LIMS1: variants seen among roughly 807,000 people sequenced by gnomAD.
The protein encoded by LIMS1 is LIM zinc finger domain containing 1, also known as LIM and senescent cell antigen-like-containing domain protein 1.
A neutral mutation model predicts 44.1 loss-of-function variants in LIMS1; 18 were observed. That is an observed-to-expected ratio of 0.41 (90% CI 0.28 to 0.61). LIMS1 has a LOEUF of 0.61. LIMS1 is among the 20% of genes least tolerant of loss of function. The pLI is 0.32. For synonymous variants in LIMS1, 93 were observed against 149.1 expected, an observed-to-expected ratio of 0.62 and a Z score of 2.74; for missense variants, 201 against 422.0, an observed-to-expected ratio of 0.48 and a Z score of 4.59.
At chr2:108,586,551 T>G (rs1048608552) in intron 1 of LIMS1, among the ~76,000 whole-genome samples, 1 of 152,180 alleles carries the variant, frequency 6.6e-6, no homozygotes, top group African/African-American at 2.4e-5. Flanking sequence ...GAGAAGACCT[T>G]CAAGCATGGT....
intron 9 of LIMS1, chr2:108,681,181 T>C (rs1486781322): frequency 3.2e-6 from 4 of 1,257,542 alleles, no homozygotes; most frequent in Non-Finnish European, 4.0e-6. Flanking sequence ...TGGAATATGT[T>C]TTTGTTCTGT....
chr2:108,583,190 G>C (rs1346574370), intron 1 of LIMS1, among the ~76,000 whole-genome samples: 2 of 145,128 alleles, frequency 1.4e-5, no homozygotes, highest in Non-Finnish European at 3.0e-5. Context: ...GCACCACCAC[G>C]CCTGGCTAAT....
intron 2 of LIMS1, among the ~76,000 whole-genome samples, chr2:108,667,404 A>T (rs1185897263): frequency 6.6e-6 from 1 of 152,048 alleles, no homozygotes; most frequent in Non-Finnish European, 1.5e-5. Context: ...TTTCAGCCAG[A>T]TTTTGAACGC....
At chr2:108,646,669 A>C (rs1227713357) in intron 1 of LIMS1, among the ~76,000 whole-genome samples, 1 of 152,222 alleles carries the variant, frequency 6.6e-6, no homozygotes, top group Non-Finnish European at 1.5e-5. Flanking sequence ...AAACCCTTTA[A>C]AAAATAAATG....
At chr2:108,546,279 T>TA (rs1684479132) in intron 1 of LIMS1, among the ~76,000 whole-genome samples, 2 of 146,276 alleles carry the variant, frequency 1.4e-5, no homozygotes, top group South Asian at 4.5e-4. Context: ...CTTTTTTTTT[T>TA]TTTTTTTTTT....
intron 1 of LIMS1, among the ~76,000 whole-genome samples, chr2:108,567,620 G>T (rs1444003370): frequency 6.6e-6 from 1 of 152,146 alleles, no homozygotes; most frequent in South Asian, 2.1e-4. Context: ...CATCCAGGCT[G>T]GAGTGCAATG....
intron 1 of LIMS1, among the ~76,000 whole-genome samples, chr2:108,538,843 ACT>A (rs1167160934): frequency 2.0e-5 from 3 of 151,808 alleles, no homozygotes; most frequent in African/African-American, 7.3e-5. Flanking sequence ...CCAAACTGAA[ACT>A]CTGTGACCAG....
chr2:108,585,538 A>G (rs963187565), intron 1 of LIMS1, among the ~76,000 whole-genome samples: 1 of 152,180 alleles, frequency 6.6e-6, no homozygotes, highest in African/African-American at 2.4e-5. Context: ...AAGAAGGTCC[A>G]GCCAGTGCCA....
chr2:108,640,809 C>T (rs2148917742), intron 1 of LIMS1, among the ~76,000 whole-genome samples: 1 of 152,322 alleles, frequency 6.6e-6, no homozygotes, highest in Non-Finnish European at 1.5e-5. Context: ...CAATCCTCTT[C>T]TAGCTTTTTG....
At chr2:108,629,037 C>T (rs927975331) in intron 1 of LIMS1, among the ~76,000 whole-genome samples, 1 of 152,182 alleles carries the variant, frequency 6.6e-6, no homozygotes, top group African/African-American at 2.4e-5. Context: ...TCAACAGAAA[C>T]GTATTGCCAT....
intron 2 of LIMS1, among the ~76,000 whole-genome samples, chr2:108,661,781 A>G (rs932966179): frequency 6.6e-6 from 1 of 152,160 alleles, no homozygotes; most frequent in African/African-American, 2.4e-5. Flanking sequence ...ATGGCAAGGA[A>G]GGAGGTGAGA....
rs1445568186 is a variant in LIMS1, at chr2:108,658,222, A to G, written c.33-1383A>G. ...GCCAAAAATTGAAGGACCGCTTGGC[A>G]TGGGGGACCTTCTCCATTTCTAGGA... On this transcript the variant is annotated intron_variant, in intron 1 of 9. Coordinates refer to ENST00000544547, the Ensembl canonical transcript of LIMS1. Among the ~76,000 whole-genome samples, 5 of 81,410 alleles carry G rather than the reference A, an allele frequency of 6.1e-5. No individual in the cohort carries two copies. In the Admixed American group the frequency reaches 7.2e-4, roughly 12 times the overall value. 53.4% of individuals were successfully genotyped at this position (81,410 alleles called of 152,430 possible).
intron 1 of LIMS1, chr2:108,621,278 A>G (rs1219372680): frequency 1.3e-6 from 2 of 1,535,400 alleles, no homozygotes; most frequent in East Asian, 4.9e-5. Flanking sequence ...TCGGCAAGGG[A>G]CGCTGCTTTC....
intron 1 of LIMS1, among the ~76,000 whole-genome samples, chr2:108,605,229 C>T (rs1413255518): frequency 6.6e-6 from 1 of 152,152 alleles, no homozygotes; most frequent in African/African-American, 2.4e-5. Context: ...GCAGCACAGC[C>T]CAGTACCCAG....
intron 1 of LIMS1, among the ~76,000 whole-genome samples, chr2:108,567,332 C>T (rs948733593): frequency 6.6e-6 from 1 of 152,108 alleles, no homozygotes; most frequent in African/African-American, 2.4e-5. Flanking sequence ...GGGATGGAGT[C>T]TCGTCCAGGG....
chr2:108,650,946 T>C (rs1690441209), intron 1 of LIMS1, among the ~76,000 whole-genome samples: 1 of 152,132 alleles, frequency 6.6e-6, no homozygotes, highest in South Asian at 2.1e-4. Flanking sequence ...ATTGGGCCTA[T>C]TGCATCATGG....
intron 2 of LIMS1, among the ~76,000 whole-genome samples, chr2:108,668,766 T>C (rs1170132485): frequency 6.6e-6 from 1 of 152,220 alleles, no homozygotes; most frequent in East Asian, 1.9e-4. Flanking sequence ...GTTCCATTAA[T>C]TACTGCTAAA....
intron 1 of LIMS1, among the ~76,000 whole-genome samples, chr2:108,629,019 T>C (rs549045753): frequency 6.6e-6 from 1 of 152,368 alleles, no homozygotes; most frequent in Admixed American, 6.5e-5. Context: ...CATAAGCAGC[T>C]GTGCAATTCA....
chr2:108,576,457 G>C (rs896932143), intron 1 of LIMS1, among the ~76,000 whole-genome samples: 1 of 152,176 alleles, frequency 6.6e-6, no homozygotes, highest in Admixed American at 6.5e-5. Flanking sequence ...CTGGAGTGCA[G>C]TGGCATGATC....
Sources: gnomAD v4.1 joint callset for allele counts (sites outside exome capture counted in the v4.1 genomes callset) on GRCh38, gnomAD v4.1.1 for gene constraint, MANE v1.5 for transcripts, NCBI Gene and HGNC (gene_info 2026-07-23, HGNC 2026-07-21) for gene names.